Variants in ATP10B observed in about 807,000 individuals in gnomAD.
The protein encoded by ATP10B is phospholipid-transporting ATPase VB.
A neutral mutation model predicts 141.2 loss-of-function variants in ATP10B; 122 were observed. The ratio of observed to expected loss-of-function variants is 0.86; its 90% confidence interval spans 0.75 to 1.00. The LOEUF (loss-of-function observed/expected upper bound fraction) is 1.00. Among genes scored for constraint, ATP10B ranks in the 50% least tolerant of loss-of-function variants. The probability of loss-of-function intolerance (pLI) is 0.00; values close to 1 mark genes in which losing one functional copy is unlikely to be tolerated. For missense variants in ATP10B, 1,876 were observed against 1,825.3 expected, an observed-to-expected ratio of 1.03 and a Z score of -0.51; for synonymous variants, 685 against 692.0, an observed-to-expected ratio of 0.99 and a Z score of 0.16.
intron 6 of ATP10B, among the ~76,000 whole-genome samples, chr5:160,677,131 C>A (rs1763082906): frequency 6.6e-6 from 1 of 152,234 alleles, no homozygotes; most frequent in Admixed American, 6.5e-5. Context: ...CGTGGACATA[C>A]AAATCATGCC....
intron 1 of ATP10B, among the ~76,000 whole-genome samples, chr5:160,831,336 G>A (rs756956163): frequency 5.7e-4 from 87 of 151,894 alleles, no homozygotes; most frequent in Admixed American, 2.2e-3. Context: ...ACCTTATGAT[G>A]AATAAGATTA....
intron 7 of ATP10B, among the ~76,000 whole-genome samples, chr5:160,650,701 T>A (rs1760670302): frequency 6.6e-6 from 1 of 152,184 alleles, no homozygotes; most frequent in South Asian, 2.1e-4. Context: ...TAAAAGAAGT[T>A]AATCACTTAT....
chr5:160,574,712 A>C (rs147117156), intron 24 of ATP10B, among the ~76,000 whole-genome samples: 198 of 152,246 alleles, frequency 1.3e-3, no homozygotes, highest in African/African-American at 3.8e-3. Flanking sequence ...GGATGATGGA[A>C]GCATCCTAGT....
chr5:160,695,771 A>G (rs928738769), intron 3 of ATP10B, among the ~76,000 whole-genome samples: 1 of 152,236 alleles, frequency 6.6e-6, no homozygotes, highest in Non-Finnish European at 1.5e-5. Flanking sequence ...GATTATTGAT[A>G]AAATAATATA....
intron 2 of ATP10B, among the ~76,000 whole-genome samples, chr5:160,744,967 G>C (rs1375811971): frequency 1.3e-5 from 2 of 152,304 alleles, no homozygotes; most frequent in East Asian, 3.9e-4. Context: ...GCAGGCCCTG[G>C]GGGCAGCCTG....
At chr5:160,729,933 G>A (rs1015410902) in intron 2 of ATP10B, among the ~76,000 whole-genome samples, 1 of 151,952 alleles carries the variant, frequency 6.6e-6, no homozygotes, top group Non-Finnish European at 1.5e-5. Context: ...AAGAAGGAAG[G>A]ATATCTATGA....
chr5:160,755,812 C>G, intron 2 of ATP10B, among the ~76,000 whole-genome samples: 1 of 42,968 alleles, frequency 2.3e-5, no homozygotes, highest in Admixed American at 4.2e-4. Context: ...GAGACTCCGT[C>G]TCAAAAAAAA....
At chr5:160,745,157 T>C (rs1358932801) in intron 2 of ATP10B, among the ~76,000 whole-genome samples, 2 of 152,250 alleles carry the variant, frequency 1.3e-5, no homozygotes, top group Non-Finnish European at 2.9e-5. Flanking sequence ...GTCATTATTG[T>C]TATGCCTTAG....
intron 1 of ATP10B, among the ~76,000 whole-genome samples, chr5:160,813,477 G>A (rs1773326059): frequency 6.6e-6 from 1 of 152,206 alleles, no homozygotes; most frequent in African/African-American, 2.4e-5. Flanking sequence ...GGTAAACAAA[G>A]CAGCTGGGAA....
chr5:160,680,577 C>CA (rs1167709023), intron 6 of ATP10B, among the ~76,000 whole-genome samples: 1 of 152,168 alleles, frequency 6.6e-6, no homozygotes, highest in Admixed American at 6.5e-5. Flanking sequence ...AGTCAAGTCT[C>CA]AAAAATATTT....
At chr5:160,645,058 C>T (rs141164991) in intron 8 of ATP10B, among the ~76,000 whole-genome samples, 22 of 149,876 alleles carry the variant, frequency 1.5e-4, no homozygotes, top group African/African-American at 5.2e-4. Flanking sequence ...CGGAGGTTGC[C>T]GTGAGCCAAG....
Position 160,634,621 on chromosome 5 carries a change from G to A in ATP10B, c.1129-15C>T. ...GGGATCAGCACCTGAAAAGAGATGA[G>A]TTTCTACCATTCAGAAACCAGGCAG... is the stretch of plus-strand genomic sequence containing the variant. On this transcript the variant is annotated splice_polypyrimidine_tract_variant and intron_variant, in intron 11 of 25. Transcript: ENST00000327245. 2 of 1,585,100 alleles carry A rather than the reference G, an allele frequency of 1.3e-6. No homozygotes were observed. Among genetic ancestry groups the A allele is most frequent in the Non-Finnish European group, 1.7e-6 (2 of 1,165,916 alleles).
the ATP10B span, among the ~76,000 whole-genome samples, chr5:160,922,185 T>C: frequency 2.0e-5 from 3 of 152,170 alleles, no homozygotes; most frequent in African/African-American, 7.2e-5. Flanking sequence ...AGATTCACTG[T>C]GTAGACCAGA....
intron 3 of ATP10B, among the ~76,000 whole-genome samples, chr5:160,715,687 G>GATTT (rs1765587572): frequency 3.6e-5 from 2 of 55,826 alleles, no homozygotes; most frequent in African/African-American, 6.0e-5. Flanking sequence ...AATTTAGCTT[G>GATTT]CTTTATTTAT....
intron 24 of ATP10B, among the ~76,000 whole-genome samples, chr5:160,582,257 T>A (rs1755601684): frequency 6.6e-6 from 1 of 152,216 alleles, no homozygotes; most frequent in African/African-American, 2.4e-5. Flanking sequence ...GTCTTTATAA[T>A]TTGGTATGTT....
intron 1 of ATP10B, among the ~76,000 whole-genome samples, chr5:160,827,631 T>C (rs1479797700): frequency 6.6e-6 from 1 of 152,170 alleles, no homozygotes; most frequent in Non-Finnish European, 1.5e-5. Context: ...TTTGGGGACT[T>C]AGCCAAAAAT....
chr5:160,728,476 A>T (rs1485315794), intron 2 of ATP10B, among the ~76,000 whole-genome samples: 1 of 152,190 alleles, frequency 6.6e-6, no homozygotes. Context: ...AACACTGTGT[A>T]TGTTGTCTCA....
At chr5:160,840,558 T>C (rs991531378) in intron 1 of ATP10B, among the ~76,000 whole-genome samples, 3 of 152,032 alleles carry the variant, frequency 2.0e-5, no homozygotes, top group African/African-American at 7.2e-5. Context: ...GGAAAATAAA[T>C]GGATCAGAAT....
chr5:160,654,256 T>C (rs75534910), intron 7 of ATP10B, among the ~76,000 whole-genome samples: 1 of 151,934 alleles, frequency 6.6e-6, no homozygotes, highest in East Asian at 1.9e-4. Flanking sequence ...TAAGCCATCG[T>C]GCCTGGCCAG....
Sources: gnomAD v4.1 joint callset for allele counts (sites outside exome capture counted in the v4.1 genomes callset) on GRCh38, gnomAD v4.1.1 for gene constraint, MANE v1.5 for transcripts, NCBI Gene and HGNC (gene_info 2026-07-23, HGNC 2026-07-21) for gene names.